The following ALPK2 variants were observed in gnomAD, a reference collection of about 807,000 sequenced individuals.
The protein encoded by ALPK2 is alpha-protein kinase 2.
Under a neutral mutation model 163.1 loss-of-function variants are expected in ALPK2, and 127 were observed. The ratio of observed to expected loss-of-function variants is 0.78; its 90% CI spans 0.67 to 0.90. The LOEUF is 0.90. Ranked by LOEUF, ALPK2 falls within the 40% of genes least tolerant of loss-of-function variation. The probability of loss-of-function intolerance (pLI) is 0.00; values close to 1 mark genes in which losing one functional copy is unlikely to be tolerated. For missense variants in ALPK2, 2,360 were observed against 2,589.6 expected (o/e 0.91, Z 1.92); for synonymous variants, 953 against 959.1 (o/e 0.99, Z 0.12).
At chr18:58,525,015 T>A (rs1168997909) in intron 6 of ALPK2, among the ~76,000 whole-genome samples, 1 of 152,160 alleles carries the variant, frequency 6.6e-6, no homozygotes, top group Non-Finnish European at 1.5e-5. Context: ...AAATGAACTT[T>A]GTTTAAACAT....
chr18:58,494,860 T>C (rs1568065630), intron 12 of ALPK2, among the ~76,000 whole-genome samples: 1 of 152,244 alleles, frequency 6.6e-6, no homozygotes, highest in Admixed American at 6.5e-5. Context: ...GCCCTTGAAC[T>C]TGAGCCCTTT....
At chr18:58,532,887 A>G (rs1192493538) in intron 5 of ALPK2, among the ~76,000 whole-genome samples, 1 of 152,134 alleles carries the variant, frequency 6.6e-6, no homozygotes, top group Non-Finnish European at 1.5e-5. Context: ...GAACCCAAGC[A>G]ATATAACTCC....
At chr18:58,514,297 C>G (rs57730400) in intron 10 of ALPK2, among the ~76,000 whole-genome samples, 20,465 of 152,182 alleles carry the variant, frequency 0.13, 1,457 homozygotes, top group East Asian at 0.22. Context: ...TTCCTTCTTC[C>G]TTCTCCCAGT....
chr18:58,521,349 C>G (rs1422144966), intron 8 of ALPK2, among the ~76,000 whole-genome samples: 2 of 152,196 alleles, frequency 1.3e-5, no homozygotes, highest in South Asian at 4.1e-4. Flanking sequence ...GAATGCCAAT[C>G]AATGCTAAGA....
At chr18:58,524,903 G>A (rs1352392426) in intron 6 of ALPK2, among the ~76,000 whole-genome samples, 2 of 143,360 alleles carry the variant, frequency 1.4e-5, no homozygotes, top group African/African-American at 5.2e-5. Context: ...AACATAGGGA[G>A]AGCCACATAT....
chr18:58,586,304 G>T (rs1217681681), intron 3 of ALPK2, among the ~76,000 whole-genome samples: 5 of 152,156 alleles, frequency 3.3e-5, no homozygotes, highest in Admixed American at 3.3e-4. Context: ...AAGCATGGAG[G>T]ATATGAGCTA....
At chr18:58,505,131 A>G (rs192795305) in intron 10 of ALPK2, among the ~76,000 whole-genome samples, 329 of 152,188 alleles carry the variant, frequency 2.2e-3, no homozygotes, top group Non-Finnish European at 3.1e-3. Context: ...TCTGCATGAC[A>G]AAGATCACTG....
chr18:58,517,715 G>C (rs895577690), intron 8 of ALPK2, among the ~76,000 whole-genome samples: 1 of 151,754 alleles, frequency 6.6e-6, no homozygotes, highest in Non-Finnish European at 1.5e-5. Flanking sequence ...TACAGAAAAA[G>C]AGTAACTTTT....
intron 1 of ALPK2, among the ~76,000 whole-genome samples, chr18:58,612,061 C>A (rs1286986733): frequency 6.6e-6 from 1 of 152,148 alleles, no homozygotes; most frequent in Non-Finnish European, 1.5e-5. Context: ...GGCCTCTACC[C>A]ACCAGATGCC....
intron 9 of ALPK2, 126 bp downstream of exon 9, chr18:58,516,782 A>G (rs1297932153): frequency 5.1e-6 from 6 of 1,184,554 alleles, no homozygotes; most frequent in Non-Finnish European, 7.2e-6. Flanking sequence ...GATTGAATTG[A>G]AACCCCAAAA....
At chr18:58,520,994 T>TG (rs1184307287) in intron 8 of ALPK2, among the ~76,000 whole-genome samples, 2 of 152,146 alleles carry the variant, frequency 1.3e-5, no homozygotes, top group Non-Finnish European at 2.9e-5. Context: ...CCAGCCTGGA[T>TG]GAAAGAGTGA....
In ALPK2 at chr18:58,537,187, T is replaced by C. The variant is rs1193643374; in HGVS notation, c.3000A>G (p.Gln1000=). 6.2e-7 allele frequency: 1 copy of C among 1,613,922 alleles called. No individual in the cohort carries two copies. The highest frequency in any genetic ancestry group is 8.5e-7 in the Non-Finnish European group (1 of 1,179,958). The change falls in exon 5 of 13, where the codon CAA becomes CAG. Residue 1000 remains glutamine, a synonymous_variant. Coordinates refer to ENST00000361673, the MANE Select transcript of ALPK2 (RefSeq NM_052947.4). ...ATGTGTCCTCAGTCTCCCTGGTCGC[T>C]TGAAAGCACTCATTATTAGCAGTTA... ...TTLTANNECF[Q]ATRETEDTST...
chr18:58,597,386 C>T (rs1417726228), intron 3 of ALPK2, among the ~76,000 whole-genome samples: 1 of 152,182 alleles, frequency 6.6e-6, no homozygotes, highest in Non-Finnish European at 1.5e-5. Flanking sequence ...TTGTTGAGTA[C>T]CAGCACTGTT....
chr18:58,487,939 G>T (rs913480353), intron 12 of ALPK2, among the ~76,000 whole-genome samples: 3 of 152,114 alleles, frequency 2.0e-5, no homozygotes, highest in Non-Finnish European at 4.4e-5. Flanking sequence ...GGATGAGAGT[G>T]GTCCCTGCGA....
chr18:58,624,883 G>A lies in ALPK2; in HGVS notation c.-21+3881C>T, dbSNP rs77485286. ...GACATCAAGTTACAATCAAGTTACC[G>A]ACAGAAGTAATGGATTGAAGATTAA... On this transcript the variant is annotated intron_variant, in intron 1 of 12. Transcript: ENST00000361673. Among the ~76,000 whole-genome samples, 580 of 152,288 alleles carry A rather than the reference G, an allele frequency of 3.8e-3. 2 individuals are homozygous for A. Among genetic ancestry groups the A allele is most frequent in the African/African-American group, 0.013 (547 of 41,548 alleles).
intron 3 of ALPK2, among the ~76,000 whole-genome samples, chr18:58,605,781 A>C (rs149107233): frequency 0.012 from 1,808 of 152,374 alleles, 24 homozygotes; most frequent in Non-Finnish European, 0.015. Flanking sequence ...GCAAATGCCA[A>C]TCCGGCTGTC....
intron 3 of ALPK2, among the ~76,000 whole-genome samples, chr18:58,602,656 C>T (rs1005180224): frequency 6.6e-6 from 1 of 152,138 alleles, no homozygotes; most frequent in African/African-American, 2.4e-5. Flanking sequence ...GTGTTTGAAC[C>T]AGAATGACTC....
In ALPK2 at chr18:58,523,833, G is replaced by C; in HGVS notation, c.5638C>G (p.Gln1880Glu). Residue 1880 changes from glutamine to glutamate, a missense_variant, in exon 8 of 13, where the codon CAG becomes GAG. Physicochemically the swap from Gln to Glu is conservative, Grantham distance 29. Transcript: ENST00000361673. ...EFNLTAEVLK[Q>E]LSSRQDTKGC... is the part of the protein sequence containing the mutation. ...TTAGTATCCTGGCGACTTGACAGCT[G>C]TTTGAGAACTAGAAGAAGACAAAGC... 1 of 1,614,166 alleles carries C rather than the reference G, an allele frequency of 6.2e-7. No individual in the cohort carries two copies. Among genetic ancestry groups the C allele is most frequent in the South Asian group, 1.1e-5 (1 of 91,084 alleles).
chr18:58,495,533 G>C (rs144672069), intron 12 of ALPK2, among the ~76,000 whole-genome samples: 18 of 152,296 alleles, frequency 1.2e-4, no homozygotes, highest in African/African-American at 4.1e-4. Context: ...TTTTAAATCA[G>C]GAGGGGAAAA....
Sources: gnomAD v4.1 joint callset for allele counts (sites outside exome capture counted in the v4.1 genomes callset) on GRCh38, gnomAD v4.1.1 for gene constraint, MANE v1.5 for transcripts, NCBI Gene and HGNC (gene_info 2026-07-23, HGNC 2026-07-21) for gene names.